The following ACVR1C variants were observed in gnomAD, a reference collection of about 807,000 sequenced individuals.
ACVR1C encodes activin receptor type-1C.
Under a neutral mutation model 57.9 loss-of-function variants are expected in ACVR1C, and 23 were observed. That is an observed-to-expected ratio of 0.40 (90% CI 0.29 to 0.56). The LOEUF is 0.56. Ranked by LOEUF, ACVR1C falls within the 20% of genes least tolerant of loss-of-function variation. ACVR1C has a pLI of 0.50. For missense variants in ACVR1C, 480 were observed against 607.9 expected (o/e 0.79, Z 2.21); for synonymous variants, 214 against 215.3 (o/e 0.99, Z 0.05).
At chr2:157,617,943 A>G (rs1682689724) in intron 1 of ACVR1C, among the ~76,000 whole-genome samples, 1 of 151,950 alleles carries the variant, frequency 6.6e-6, no homozygotes, top group Admixed American at 6.6e-5. Context: ...TTCCCTAAAC[A>G]AAAATTAATT....
intron 2 of ACVR1C, among the ~76,000 whole-genome samples, chr2:157,562,519 TAAAAA>T (rs869185016): frequency 8.9e-6 from 1 of 111,776 alleles, no homozygotes; most frequent in African/African-American, 3.1e-5. Flanking sequence ...TAAAATAAAA[TAAAAA>T]AGCCCAGGAC....
At chr2:157,624,650 A>G (rs1238652347) in intron 1 of ACVR1C, among the ~76,000 whole-genome samples, 1 of 152,240 alleles carries the variant, frequency 6.6e-6, no homozygotes, top group African/African-American at 2.4e-5. Context: ...GAAGAGAGAT[A>G]TCCTGTGCAA....
At chr2:157,613,916 G>A (rs1682588744) in intron 1 of ACVR1C, among the ~76,000 whole-genome samples, 2 of 152,118 alleles carry the variant, frequency 1.3e-5, no homozygotes, top group African/African-American at 4.8e-5. Flanking sequence ...CATTCTGGAA[G>A]TTTATGTAGA....
chr2:157,559,785 G>A (rs1024841021), intron 2 of ACVR1C, among the ~76,000 whole-genome samples: 1 of 151,898 alleles, frequency 6.6e-6, no homozygotes, highest in Non-Finnish European at 1.5e-5. Flanking sequence ...CCTGGCTGAC[G>A]AATATTTCCC....
chr2:157,554,250 A>AG (rs1463066742), intron 3 of ACVR1C, among the ~76,000 whole-genome samples: 4 of 138,786 alleles, frequency 2.9e-5, no homozygotes, highest in African/African-American at 9.6e-5. Context: ...AAAGAAAGAA[A>AG]GAAAGAAAGA....
At chr2:157,573,473 A>T (rs1297966091) in intron 2 of ACVR1C, among the ~76,000 whole-genome samples, 2 of 152,172 alleles carry the variant, frequency 1.3e-5, no homozygotes, top group African/African-American at 4.8e-5. Context: ...AATTATTACT[A>T]CACTTACCCT....
At chr2:157,585,502 C>T (rs1254896923) in intron 2 of ACVR1C, among the ~76,000 whole-genome samples, 1 of 152,046 alleles carries the variant, frequency 6.6e-6, no homozygotes, top group African/African-American at 2.4e-5. Flanking sequence ...GCTTGATTTG[C>T]CCAATTGCAT....
Position 157,613,224 on chromosome 2 carries a change from A to T in ACVR1C, c.73+15348T>A, listed in dbSNP as rs141819707. 6.3e-3 allele frequency among the ~76,000 whole-genome samples: 957 copies of T among 152,106 alleles called. 5 individuals are homozygous for T. Among genetic ancestry groups the T allele is most frequent in the Non-Finnish European group, 0.01 (707 of 67,988 alleles). ...GTGACTTTTCTGTTGATCTCCAGTG[A>T]TCTCTCCTAGATGTTCTATTCAAGG... On this transcript the variant is annotated intron_variant, in intron 1 of 8. Coordinates refer to ENST00000243349, the MANE Select transcript of ACVR1C (RefSeq NM_145259.3).
At chr2:157,542,651 C>T in intron 6 of ACVR1C, 55 bp downstream of exon 6, 1 of 1,562,590 alleles carries the variant, frequency 6.4e-7, no homozygotes, top group African/African-American at 1.4e-5. Context: ...TGAGGACATT[C>T]ATGCTTATTG....
intron 2 of ACVR1C, among the ~76,000 whole-genome samples, chr2:157,562,520 A>T (rs561159300): frequency 6.7e-6 from 1 of 149,452 alleles, no homozygotes; most frequent in South Asian, 2.1e-4. Flanking sequence ...AAAATAAAAT[A>T]AAAAAGCCCA....
At chr2:157,578,051 T>A (rs1393221890) in intron 2 of ACVR1C, among the ~76,000 whole-genome samples, 1 of 152,006 alleles carries the variant, frequency 6.6e-6, no homozygotes, top group African/African-American at 2.4e-5. Context: ...CGCAGGCACA[T>A]GCCACCGTGC....
chr2:157,535,946 C>T (rs934681545), intron 8 of ACVR1C, among the ~76,000 whole-genome samples: 4 of 152,108 alleles, frequency 2.6e-5, no homozygotes, highest in East Asian at 1.9e-4. Context: ...GCCCCCTCAT[C>T]GGCATATCCC....
chr2:157,617,270 TAAGTATTTCAAA>T (rs1446126777), intron 1 of ACVR1C, among the ~76,000 whole-genome samples: 2 of 152,078 alleles, frequency 1.3e-5, no homozygotes, highest in African/African-American at 4.8e-5. Flanking sequence ...TGTATGTGCC[TAAGTATTTCAAA>T]ATATATAAAA....
At chr2:157,617,267 G>C (rs936381691) in intron 1 of ACVR1C, among the ~76,000 whole-genome samples, 3 of 152,014 alleles carry the variant, frequency 2.0e-5, no homozygotes, top group Non-Finnish European at 4.4e-5. Flanking sequence ...ATGTGTATGT[G>C]CCTAAGTATT....
chr2:157,552,804 A>G (rs949267624), intron 3 of ACVR1C, among the ~76,000 whole-genome samples: 6 of 152,212 alleles, frequency 3.9e-5, no homozygotes, highest in Non-Finnish European at 8.8e-5. Context: ...GCAACCACCA[A>G]AATGAATCTA....
At chr2:157,534,241 C>G (rs1298849431) in intron 8 of ACVR1C, among the ~76,000 whole-genome samples, 198 bp from the exon 9 acceptor site, 1 of 151,778 alleles carries the variant, frequency 6.6e-6, no homozygotes, top group Non-Finnish European at 1.5e-5. Context: ...GCCTCAAACT[C>G]TTGTGCTCAA....
chr2:157,565,665 A>G (rs543499274), intron 2 of ACVR1C, among the ~76,000 whole-genome samples: 75 of 152,278 alleles, frequency 4.9e-4, no homozygotes, highest in African/African-American at 1.8e-3. Context: ...GAATCAAACG[A>G]GCTATTGATG....
At chr2:157,605,472 G>T (rs2105143550) in intron 1 of ACVR1C, among the ~76,000 whole-genome samples, 1 of 151,640 alleles carries the variant, frequency 6.6e-6, no homozygotes, top group Admixed American at 6.6e-5. Context: ...GACCAATTTG[G>T]AGAAAATTAA....
chr2:157,539,403 TC>T (rs1295310904), intron 7 of ACVR1C, among the ~76,000 whole-genome samples: 1 of 152,088 alleles, frequency 6.6e-6, no homozygotes, highest in Non-Finnish European at 1.5e-5. Context: ...TTCCAAGAAA[TC>T]CCTTATAAAA....
Sources: allele counts gnomAD v4.1 joint callset (sites outside exome capture counted in the v4.1 genomes callset), GRCh38; gene constraint gnomAD v4.1.1; transcripts MANE v1.5; gene names NCBI Gene and HGNC (gene_info 2026-07-23, HGNC 2026-07-21).